Variants in RASA1 observed in about 807,000 individuals in gnomAD.
RASA1 encodes ras GTPase-activating protein 1.
A neutral mutation model predicts 132.2 loss-of-function variants in RASA1; 25 were observed. The observed-to-expected ratio is 0.19, with a 90% CI of 0.14 to 0.26. The LOEUF (loss-of-function observed/expected upper bound fraction) is 0.26, where lower values mean the gene tolerates loss of function less well. RASA1 is among the 10% of genes least tolerant of loss of function. RASA1 has a pLI of 1.00. For missense variants in RASA1, 964 were observed against 1,299.2 expected (o/e 0.74, Z 3.97); for synonymous variants, 477 against 449.9 (o/e 1.06, Z -0.76).
chr5:87,331,240 T>G (rs886740592), intron 1 of RASA1, 108 bp from the exon 2 acceptor site: 3 of 1,187,296 alleles, frequency 2.5e-6, no homozygotes, highest in African/African-American at 3.0e-5. Context: ...TGTAAATGTT[T>G]AAGTTACATG....
chr5:87,289,945 T>C (rs1369027066), intron 1 of RASA1, among the ~76,000 whole-genome samples: 1 of 152,000 alleles, frequency 6.6e-6, no homozygotes, highest in Non-Finnish European at 1.5e-5. Flanking sequence ...AAATTGTCCT[T>C]GTGGTTTCTA....
intron 7 of RASA1, 48 bp from the exon 8 acceptor site, chr5:87,349,166 C>A: frequency 5.6e-6 from 9 of 1,596,418 alleles, no homozygotes; most frequent in South Asian, 1.1e-5. Flanking sequence ...AACATCTTTT[C>A]TTTTTTATTT....
At chr5:87,373,346 CA>C (rs371317342) in intron 13 of RASA1, among the ~76,000 whole-genome samples, 9 of 151,938 alleles carry the variant, frequency 5.9e-5, no homozygotes, top group Middle Eastern at 3.2e-3. Flanking sequence ...TTACGGCATA[CA>C]GGGGGGCATG....
At chr5:87,389,152 C>T (rs963074432) in intron 23 of RASA1, among the ~76,000 whole-genome samples, 3 of 151,796 alleles carry the variant, frequency 2.0e-5, no homozygotes, top group African/African-American at 7.3e-5. Flanking sequence ...CATGAGACTA[C>T]AGAGAAAGAT....
chr5:87,368,637 G>T (rs1390004888), intron 11 of RASA1, among the ~76,000 whole-genome samples: 1 of 152,142 alleles, frequency 6.6e-6, no homozygotes, highest in Non-Finnish European at 1.5e-5. Flanking sequence ...AGCCCTTCAG[G>T]GGTCTCAATG....
intron 1 of RASA1, among the ~76,000 whole-genome samples, chr5:87,274,086 T>G (rs1753965936): frequency 6.6e-6 from 1 of 152,176 alleles, no homozygotes; most frequent in African/African-American, 2.4e-5. Flanking sequence ...CATTCCTGCT[T>G]GAGACTAGAT....
rs1191692027 is a variant in RASA1, at chr5:87,268,990, A to T, written c.539A>T (p.Gln180Leu). 6.2e-7 allele frequency: 1 copy of T among 1,614,230 alleles called. No individual in the cohort carries two copies. The highest frequency in any genetic ancestry group is 1.3e-5 in the African/African-American group (1 of 75,056). The change falls in exon 1 of 25, where the codon CAG (glutamine) becomes CTG (leucine). Residue 180 changes from glutamine (Q) to leucine (L), a missense_variant and splice_region_variant. Around this residue, in one of 6 missense-constraint regions of RASA1, gnomAD observed 326 missense variants for 275.8 expected, o/e 1.18. Coordinates refer to ENST00000274376, the MANE Select transcript of RASA1 (RefSeq NM_002890.3). ...CCGTTGACCGCTCCTCCAACTAACCAGTAAGTTAAGACTGCTGTTCAGGAA... is the reference window on the plus strand; with the variant it reads ...CCGTTGACCGCTCCTCCAACTAACCTGTAAGTTAAGACTGCTGTTCAGGAA... Reference protein sequence around the residue: ...AIPLTAPPTNQWYHGKLDRTI... With the variant: ...AIPLTAPPTNLWYHGKLDRTI...
intron 18 of RASA1, among the ~76,000 whole-genome samples, chr5:87,379,095 A>G (rs1761529500): frequency 6.6e-6 from 1 of 152,222 alleles, no homozygotes; most frequent in South Asian, 2.1e-4. Context: ...ATTAGATCTG[A>G]TATAAAAATC....
chr5:87,386,984 A>G, intron 23 of RASA1, 81 bp downstream of exon 23: 1 of 1,289,698 alleles, frequency 7.8e-7, no homozygotes, highest in East Asian at 2.3e-5. Flanking sequence ...AGCAATCTTT[A>G]GAAAGATTTT....
At position 87,390,943 on chromosome 5, in the gene RASA1, G is replaced by T; in HGVS notation, c.*60G>T. ...ATGTCCAACATGGTAATTCACTTCA[G>T]TTTAATGTCTCCTTTGCTCTTGCCA... On this transcript the variant is annotated 3_prime_UTR_variant, in exon 25 of 25. Transcript: ENST00000274376. The T allele has an allele frequency of 6.7e-7, 1 of 1,496,782 alleles. No individual in the cohort carries two copies. Among genetic ancestry groups the T allele is most frequent in the East Asian group, 2.3e-5 (1 of 43,966 alleles). The allele number at this position is 1,496,782 out of a possible 1,614,324, so 92.7% of individuals were successfully genotyped here.
intron 1 of RASA1, among the ~76,000 whole-genome samples, chr5:87,275,636 G>T (rs920224430): frequency 6.6e-6 from 1 of 151,834 alleles, no homozygotes; most frequent in Non-Finnish European, 1.5e-5. Flanking sequence ...GAGTGCAGTG[G>T]TATGGCTCAC....
chr5:87,329,528 T>C (rs1245744190), intron 1 of RASA1, among the ~76,000 whole-genome samples: 1 of 152,120 alleles, frequency 6.6e-6, no homozygotes, highest in East Asian at 1.9e-4. Context: ...TCTTATAAAG[T>C]AGTAATTGTG....
intron 1 of RASA1, among the ~76,000 whole-genome samples, chr5:87,329,595 G>C (rs1456967732): frequency 2.0e-5 from 3 of 152,060 alleles, no homozygotes; most frequent in Non-Finnish European, 2.9e-5. Flanking sequence ...AGATGAAGGA[G>C]ATTAAAGAAA....
rs770726591 is a variant in RASA1, at chr5:87,357,977, G to A, written c.1333-4574G>A. 9.8e-5 allele frequency among the ~76,000 whole-genome samples: 15 copies of A among 152,320 alleles called. No homozygotes were observed. In the South Asian group the frequency reaches 3.1e-3, roughly 32 times the overall value. ...CTATTATTTTGGAGCATGGGGTGAT[G>A]AAAAGTTGGTTTTAGTAGAAGTTTG... is the stretch of plus-strand genomic sequence containing the variant. On this transcript the variant is annotated intron_variant, in intron 9 of 24. Coordinates refer to ENST00000274376, the MANE Select transcript of RASA1 (RefSeq NM_002890.3).
chr5:87,333,500 T>G (rs767303921), intron 4 of RASA1, among the ~76,000 whole-genome samples, 163 bp downstream of exon 4: 9 of 152,180 alleles, frequency 5.9e-5, no homozygotes, highest in Non-Finnish European at 1.2e-4. Flanking sequence ...CTGGGTTGGC[T>G]TATTTGTTCA....
At chr5:87,296,147 GTGTT>G (rs1347942937) in intron 1 of RASA1, among the ~76,000 whole-genome samples, 2 of 150,946 alleles carry the variant, frequency 1.3e-5, no homozygotes, top group Non-Finnish European at 2.9e-5. Flanking sequence ...CCTAACTTAA[GTGTT>G]TGCCCTGGAG....
chr5:87,311,864 A>G (rs1433429636), intron 1 of RASA1, among the ~76,000 whole-genome samples: 2 of 152,256 alleles, frequency 1.3e-5, no homozygotes, highest in Non-Finnish European at 2.9e-5. Flanking sequence ...GAAGGCTTTC[A>G]GTAAACAAAG....
At chr5:87,281,122 A>G (rs1320782101) in intron 1 of RASA1, among the ~76,000 whole-genome samples, 1 of 151,934 alleles carries the variant, frequency 6.6e-6, no homozygotes, top group African/African-American at 2.4e-5. Flanking sequence ...GCTGAATCAT[A>G]TGGTAATTCT....
chr5:87,336,371 GA>G lies in RASA1; in HGVS notation c.900-1593del, dbSNP rs1161035496. On this transcript the variant is annotated intron_variant, in intron 4 of 24. Coordinates refer to ENST00000274376, the MANE Select transcript of RASA1 (RefSeq NM_002890.3). ...TAAAGAGGTCCTGGGAGACCAAAAAGAAAAAAAAAATAGCTGATCTAGGAAG... is the reference window on the plus strand; with the variant it reads ...TAAAGAGGTCCTGGGAGACCAAAAAGAAAAAAAAATAGCTGATCTAGGAAG... Among the ~76,000 whole-genome samples the G allele has an allele frequency of 8.3e-5, 12 of 144,250 alleles. 1 individual carries two copies. Among genetic ancestry groups the G allele is most frequent in the Non-Finnish European group, 9.2e-5 (6 of 65,386 alleles). 94.6% of individuals were successfully genotyped at this position (144,250 alleles called of 152,430 possible). A position where few individuals can be genotyped will look rare whatever the true frequency, so the allele number is the denominator to read the frequency against.
Sources: gnomAD v4.1 joint callset for allele counts (sites outside exome capture counted in the v4.1 genomes callset) on GRCh38, gnomAD v4.1.1 for gene constraint, gnomAD v4.1.1 regional missense constraint, MANE v1.5 for transcripts, NCBI Gene and HGNC (gene_info 2026-07-23, HGNC 2026-07-21) for gene names.